The following SLC14A2 variants were observed in gnomAD, a reference collection of about 807,000 sequenced individuals.
SLC14A2 encodes the protein urea transporter 2.
A neutral mutation model predicts 104.6 loss-of-function variants in SLC14A2; 91 were observed. That is an observed-to-expected ratio of 0.87 (90% confidence interval 0.73 to 1.04). SLC14A2 has a LOEUF of 1.04. Ranked by LOEUF, SLC14A2 falls within the 50% of genes least tolerant of loss-of-function variation. SLC14A2 has a pLI of 0.00. For missense variants in SLC14A2, 1,189 were observed against 1,156.0 expected (o/e 1.03, Z -0.41); for synonymous variants, 476 against 466.4 (o/e 1.02, Z -0.27).
intron 1 of SLC14A2, among the ~76,000 whole-genome samples, chr18:45,321,664 A>C (rs1274902567): frequency 1.3e-5 from 2 of 152,220 alleles, no homozygotes; most frequent in Non-Finnish European, 1.5e-5. Flanking sequence ...AGAAGAGCTG[A>C]CACAGCAGAG....
At chr18:45,536,137 T>G (rs1360984360) in intron 2 of SLC14A2, among the ~76,000 whole-genome samples, 1 of 152,198 alleles carries the variant, frequency 6.6e-6, no homozygotes, top group Non-Finnish European at 1.5e-5. Flanking sequence ...GTATTGCCTA[T>G]GTGAGAGAAA....
At chr18:45,437,547 C>T (rs2144569785) in intron 1 of SLC14A2, among the ~76,000 whole-genome samples, 1 of 152,306 alleles carries the variant, frequency 6.6e-6, no homozygotes, top group South Asian at 2.1e-4. Flanking sequence ...GCTAGCCACC[C>T]TCATGTCATG....
chr18:45,397,681 T>C (rs1228047122), intron 1 of SLC14A2, among the ~76,000 whole-genome samples: 1 of 152,206 alleles, frequency 6.6e-6, no homozygotes, highest in East Asian at 1.9e-4. Flanking sequence ...AGATCCCTCT[T>C]GTCAATTTTT....
intron 1 of SLC14A2, among the ~76,000 whole-genome samples, chr18:45,426,638 T>G (rs1225039639): frequency 6.7e-6 from 1 of 148,690 alleles, no homozygotes; most frequent in African/African-American, 2.5e-5. Flanking sequence ...ATACTATATA[T>G]CTATATACAT....
chr18:45,433,185 A>T (rs2144556223), intron 1 of SLC14A2, among the ~76,000 whole-genome samples: 1 of 152,176 alleles, frequency 6.6e-6, no homozygotes, highest in South Asian at 2.1e-4. Flanking sequence ...TGCAGGCAGG[A>T]TCCTTTCCCT....
At chr18:45,624,318 G>A (rs186088546) in intron 1 of SLC14A2, among the ~76,000 whole-genome samples, 6 of 152,244 alleles carry the variant, frequency 3.9e-5, no homozygotes, top group Admixed American at 2.0e-4. Context: ...ACAATAGGAC[G>A]GCACAGCAGG....
intron 1 of SLC14A2, among the ~76,000 whole-genome samples, chr18:45,308,249 T>G (rs1365208852): frequency 6.6e-6 from 1 of 152,196 alleles, no homozygotes; most frequent in Non-Finnish European, 1.5e-5. Context: ...AAGCTCTGTG[T>G]GCATGTTTAT....
chr18:45,236,602 T>C (rs1042494491), intron 1 of SLC14A2, among the ~76,000 whole-genome samples: 4 of 149,856 alleles, frequency 2.7e-5, no homozygotes, highest in African/African-American at 9.9e-5. Context: ...AAAAAGTATA[T>C]ATTCATGTGT....
At chr18:45,323,765 G>T (rs2085207426) in intron 1 of SLC14A2, among the ~76,000 whole-genome samples, 1 of 152,154 alleles carries the variant, frequency 6.6e-6, no homozygotes, top group African/African-American at 2.4e-5. Context: ...GGACTTGTTT[G>T]CCAAGGTAGA....
At chr18:45,474,532 T>A (rs2087320270) in intron 1 of SLC14A2, among the ~76,000 whole-genome samples, 2 of 152,214 alleles carry the variant, frequency 1.3e-5, no homozygotes, top group Non-Finnish European at 2.9e-5. Context: ...TGGTAGGCTA[T>A]TAATTATTGC....
At chr18:45,300,098 A>G (rs917749271) in intron 1 of SLC14A2, among the ~76,000 whole-genome samples, 2 of 152,174 alleles carry the variant, frequency 1.3e-5, no homozygotes, top group African/African-American at 4.8e-5. Context: ...TGACCTGGGT[A>G]TATTTCAAAA....
intron 11 of SLC14A2, 41 bp from the exon 12 acceptor site, chr18:45,666,096 G>A: frequency 7.3e-7 from 1 of 1,363,114 alleles, no homozygotes; most frequent in Non-Finnish European, 1.1e-6. Context: ...TGCCAGAGTA[G>A]AGGTGTCCTA....
chr18:45,576,019 A>G (rs201852707), intron 2 of SLC14A2, among the ~76,000 whole-genome samples: 1 of 152,186 alleles, frequency 6.6e-6, no homozygotes, highest in African/African-American at 2.4e-5. Flanking sequence ...AAATGATCTT[A>G]AAGAGTCATA....
intron 1 of SLC14A2, among the ~76,000 whole-genome samples, chr18:45,388,214 C>T (rs1193374938): frequency 6.6e-6 from 1 of 151,708 alleles, no homozygotes; most frequent in Non-Finnish European, 1.5e-5. Context: ...AGGTGCCTGC[C>T]AACACGCCCG....
intron 1 of SLC14A2, among the ~76,000 whole-genome samples, chr18:45,476,772 C>A (rs998729688): frequency 6.6e-6 from 1 of 152,098 alleles, no homozygotes; most frequent in Non-Finnish European, 1.5e-5. Context: ...TTGATCGATT[C>A]GGCTATTGAT....
chr18:45,466,496 T>C (rs1180810941), intron 1 of SLC14A2, among the ~76,000 whole-genome samples: 1 of 150,178 alleles, frequency 6.7e-6, no homozygotes, highest in Non-Finnish European at 1.5e-5. Context: ...ATGAGTTCCA[T>C]CTGAGCTGGG....
chr18:45,613,911 G>A (rs1160634777), upstream of SLC14A2, among the ~76,000 whole-genome samples: 3 of 152,238 alleles, frequency 2.0e-5, no homozygotes, highest in East Asian at 5.8e-4. Context: ...ATTTTCTGGG[G>A]AGAAATTCAA....
At position 45,259,759 on chromosome 18, in the gene SLC14A2, T is replaced by C. The variant is rs539897685; in HGVS notation, c.-125+46568T>C. Among the ~76,000 whole-genome samples, 391 of 152,252 alleles carry C rather than the reference T, an allele frequency of 2.6e-3. 3 individuals are homozygous for C. Among genetic ancestry groups the C allele is most frequent in the Non-Finnish European group, 3.4e-3 (233 of 68,028 alleles). On this transcript the variant is annotated intron_variant, in intron 1 of 20. Transcript: ENST00000586448. Reference sequence around the variant, plus strand: ...ACGAGAAGGGTAATATTTTATTTCTTTAGTAATTGCCAAGCACTGAAGCCC... The same window carrying C: ...ACGAGAAGGGTAATATTTTATTTCTCTAGTAATTGCCAAGCACTGAAGCCC...
chr18:45,659,960 A>AT (rs2045908952), intron 10 of SLC14A2, among the ~76,000 whole-genome samples: 1 of 104,726 alleles, frequency 9.5e-6, no homozygotes, highest in Non-Finnish European at 2.1e-5. Flanking sequence ...CACTGGCTCT[A>AT]CAAAAAAAAA....
Sources: allele counts gnomAD v4.1 joint callset (sites outside exome capture counted in the v4.1 genomes callset), GRCh38; gene constraint gnomAD v4.1.1; transcripts MANE v1.5; gene names NCBI Gene and HGNC (gene_info 2026-07-23, HGNC 2026-07-21).